The following ASIC2 variants were observed in gnomAD, a reference collection of about 807,000 sequenced individuals.
ASIC2 encodes acid-sensing ion channel 2.
A neutral mutation model predicts 57.3 loss-of-function variants in ASIC2; 25 were observed. That is an observed-to-expected ratio of 0.44 (90% CI 0.32 to 0.61). The LOEUF is 0.61. Ranked by LOEUF, ASIC2 falls within the 20% of genes least tolerant of loss-of-function variation. The pLI, the probability that ASIC2 is intolerant of heterozygous loss-of-function variation, is 0.06. For missense variants in ASIC2, 641 were observed against 738.1 expected (o/e 0.87, Z 1.52); for synonymous variants, 319 against 307.5 (o/e 1.04, Z -0.39).
intron 1 of ASIC2, among the ~76,000 whole-genome samples, chr17:33,988,955 GC>G (rs1359332309): frequency 3.9e-5 from 6 of 152,012 alleles, no homozygotes; most frequent in Non-Finnish European, 8.8e-5. Flanking sequence ...TTGTTCCCTT[GC>G]CTGGCTTCTT....
chr17:33,985,410 T>C (rs1304700260), intron 1 of ASIC2, among the ~76,000 whole-genome samples: 1 of 152,170 alleles, frequency 6.6e-6, no homozygotes, highest in Non-Finnish European at 1.5e-5. Context: ...GTGTCCAGGG[T>C]GGGCCTGACA....
intron 1 of ASIC2, among the ~76,000 whole-genome samples, chr17:33,576,712 A>G (rs1432400429): frequency 1.3e-5 from 2 of 152,138 alleles, no homozygotes; most frequent in Admixed American, 6.5e-5. Flanking sequence ...AGCATGCAAG[A>G]AGGAGATGTT....
At chr17:33,897,940 T>C (rs1177477684) in intron 1 of ASIC2, among the ~76,000 whole-genome samples, 1 of 152,194 alleles carries the variant, frequency 6.6e-6, no homozygotes, top group African/African-American at 2.4e-5. Flanking sequence ...TATAGGTTAT[T>C]GGGACAGTTA....
At chr17:33,972,051 C>A (rs1436885557) in intron 1 of ASIC2, among the ~76,000 whole-genome samples, 1 of 152,174 alleles carries the variant, frequency 6.6e-6, no homozygotes, top group Non-Finnish European at 1.5e-5. Context: ...AATGGTATCA[C>A]CACCTCCTCC....
At chr17:34,035,032 C>CA (rs1195436074) in intron 1 of ASIC2, among the ~76,000 whole-genome samples, 1 of 150,754 alleles carries the variant, frequency 6.6e-6, no homozygotes, top group African/African-American at 2.5e-5. Context: ...CATATGGAAC[C>CA]AAAAAAGAGC....
chr17:33,014,057 C>T lies in ASIC2; in HGVS notation c.1600G>A (p.Asp534Asn). The change falls in exon 10 of 10, where the codon GAC becomes AAC. Residue 534 changes from aspartate to asparagine, a missense_variant. This residue lies in a region of ASIC2 where 252 missense variants were observed against 319.8 expected (regional missense o/e 0.79). Transcript: ENST00000225823. The part of the protein sequence containing the change: ...GSHDENVSTC[D>N]TMPNHSETIS... ...GTTTCAGAGTGGTTTGGCATTGTGTCACAAGTACTCTGGAAGGGAAGGGTT... is the reference window on the plus strand; with the variant it reads ...GTTTCAGAGTGGTTTGGCATTGTGTTACAAGTACTCTGGAAGGGAAGGGTT... 6.3e-7 allele frequency: 1 copy of T among 1,597,974 alleles called. No individual in the cohort carries two copies. The highest frequency in any genetic ancestry group is 1.1e-5 in the South Asian group (1 of 88,172).
chr17:34,021,472 C>T (rs1413851847), intron 1 of ASIC2, among the ~76,000 whole-genome samples: 4 of 152,202 alleles, frequency 2.6e-5, no homozygotes, highest in African/African-American at 9.6e-5. Flanking sequence ...TTCCTTTTCC[C>T]TAGGGCAGGG....
intron 1 of ASIC2, among the ~76,000 whole-genome samples, chr17:33,240,118 C>A (rs887330441): frequency 6.6e-5 from 10 of 152,176 alleles, no homozygotes; most frequent in Non-Finnish European, 1.5e-4. Flanking sequence ...ATGGACACAG[C>A]CTAAGATAGT....
At chr17:33,079,279 A>G (rs1243472847) in intron 3 of ASIC2, among the ~76,000 whole-genome samples, 2 of 152,212 alleles carry the variant, frequency 1.3e-5, no homozygotes, top group East Asian at 3.8e-4. Flanking sequence ...TTTATGCTGG[A>G]GATTTCCACA....
intron 1 of ASIC2, among the ~76,000 whole-genome samples, chr17:33,924,452 T>C (rs998879344): frequency 2.0e-5 from 3 of 152,342 alleles, no homozygotes; most frequent in Middle Eastern, 3.4e-3. Context: ...ACAAAGTGGA[T>C]AAATTAGAGG....
chr17:33,482,465 A>G (rs1183214998), intron 1 of ASIC2, among the ~76,000 whole-genome samples: 1 of 152,232 alleles, frequency 6.6e-6, no homozygotes, highest in East Asian at 1.9e-4. Context: ...CTGGATTTGC[A>G]TCCCCTATCT....
At chr17:33,025,885 C>T in intron 5 of ASIC2, 41 bp downstream of exon 5, 1 of 1,538,690 alleles carries the variant, frequency 6.5e-7, no homozygotes, top group Non-Finnish European at 8.8e-7. Context: ...CAGTCTCAGG[C>T]CCCCGGCCCC....
At chr17:34,153,004 C>G (rs1381589516) in intron 1 of ASIC2, among the ~76,000 whole-genome samples, 1 of 152,182 alleles carries the variant, frequency 6.6e-6, no homozygotes, top group Non-Finnish European at 1.5e-5. Context: ...ATGAAGCACA[C>G]CTGTTTACAT....
intron 1 of ASIC2, among the ~76,000 whole-genome samples, chr17:33,153,715 T>C (rs1203592888): frequency 6.6e-6 from 1 of 152,258 alleles, no homozygotes. Flanking sequence ...ACAGACCTAT[T>C]GCCCTCTGCT....
intron 1 of ASIC2, among the ~76,000 whole-genome samples, chr17:33,411,680 A>T (rs1312438277): frequency 6.6e-6 from 1 of 152,212 alleles, no homozygotes; most frequent in Non-Finnish European, 1.5e-5. Context: ...CAATAGGAAG[A>T]AAAAAATGAA....
chr17:33,244,828 A>C (rs1252744229), intron 1 of ASIC2, among the ~76,000 whole-genome samples: 1 of 152,182 alleles, frequency 6.6e-6, no homozygotes, highest in Non-Finnish European at 1.5e-5. Context: ...AGAGGAATGA[A>C]ACTCCCCACG....
intron 1 of ASIC2, among the ~76,000 whole-genome samples, chr17:33,469,647 C>T (rs1912977880): frequency 6.6e-6 from 1 of 152,164 alleles, no homozygotes; most frequent in Non-Finnish European, 1.5e-5. Flanking sequence ...AGCTGTGTCC[C>T]TGAACAGAGG....
rs116694051 is a variant in ASIC2 at position 34,114,972 on chromosome 17, C to T, written c.555+41006G>A. On this transcript the variant is annotated intron_variant, in intron 1 of 9. Transcript: ENST00000359872. ...CCCCGTGATTATTGTCTTGTAGAAT[C>T]GGGTACCTAGAGATTTCAAGGAACC... is the stretch of plus-strand genomic sequence containing the variant. Among the ~76,000 whole-genome samples the T allele has an allele frequency of 9.5e-3, 1,446 of 152,290 alleles. 22 individuals carry two copies. Among genetic ancestry groups the T allele is most frequent in the African/African-American group, 0.033 (1,382 of 41,552 alleles).
intron 1 of ASIC2, among the ~76,000 whole-genome samples, chr17:33,562,688 G>A (rs945974984): frequency 1.3e-5 from 2 of 152,190 alleles, no homozygotes; most frequent in Non-Finnish European, 2.9e-5. Flanking sequence ...AGGCTTGGGG[G>A]CTTCCTACAG....
Sources: allele counts gnomAD v4.1 joint callset (sites outside exome capture counted in the v4.1 genomes callset), GRCh38; gene constraint gnomAD v4.1.1; regional missense constraint gnomAD v4.1.1; transcripts MANE v1.5; gene names NCBI Gene and HGNC (gene_info 2026-07-23, HGNC 2026-07-21).